Variants in EDEM3 observed in about 807,000 individuals in gnomAD.
EDEM3 encodes the protein ER degradation-enhancing alpha-mannosidase-like protein 3.
In EDEM3, 60 loss-of-function variants were observed where a neutral mutation model predicts 110.2. That is an observed-to-expected ratio of 0.54 (90% CI 0.44 to 0.67). The LOEUF is 0.67. Ranked by LOEUF, EDEM3 falls within the 30% of genes least tolerant of loss-of-function variation. The pLI, the probability that EDEM3 is intolerant of heterozygous loss-of-function variation, is 0.00. For missense variants in EDEM3, 996 were observed against 1,121.0 expected (o/e 0.89, Z 1.59); for synonymous variants, 352 against 382.9 (o/e 0.92, Z 0.94).
At chr1:184,716,127 GT>G (rs1322409488) in intron 13 of EDEM3, among the ~76,000 whole-genome samples, 1 of 152,100 alleles carries the variant, frequency 6.6e-6, no homozygotes, top group African/African-American at 2.4e-5. Context: ...CATATACAAT[GT>G]TTTAAAAGTC....
chr1:184,691,654 T>C lies in EDEM3; in HGVS notation c.*2409A>G, dbSNP rs1412987597. On this transcript the variant is annotated 3_prime_UTR_variant, in exon 20 of 20. Coordinates refer to ENST00000318130, the MANE Select transcript of EDEM3 (RefSeq NM_025191.4). ...AAAAAAACAACTAATGCCTTTGGAA[T>C]TTTTAATGAACTCAAAAACTACTTT... The C allele has an allele frequency of 2.0e-5, 3 of 152,200 alleles. No homozygotes were observed. The highest frequency in any genetic ancestry group is 4.4e-5 in the Non-Finnish European group (3 of 67,932). The allele number at this position is 152,200 out of a possible 1,614,324, so 9.4% of individuals were successfully genotyped here.
intron 7 of EDEM3, 52 bp downstream of exon 7, chr1:184,726,203 T>C: frequency 3.2e-6 from 5 of 1,582,154 alleles, no homozygotes; most frequent in African/African-American, 1.4e-5. Context: ...GAAGAAGATA[T>C]AAAGGTAGTT....
intron 6 of EDEM3, among the ~76,000 whole-genome samples, chr1:184,731,306 A>G (rs1651503759): frequency 6.6e-6 from 1 of 152,220 alleles, no homozygotes; most frequent in African/African-American, 2.4e-5. Flanking sequence ...GGGGAAAACC[A>G]ATAAAACTCC....
intron 17 of EDEM3, 112 bp from the exon 18 acceptor site, chr1:184,706,920 G>A: frequency 1.8e-6 from 2 of 1,103,656 alleles, no homozygotes; most frequent in Non-Finnish European, 2.5e-6. Context: ...CTTTTCTAAT[G>A]ATAACGTATC....
chr1:184,711,695 T>C (rs766943183), intron 15 of EDEM3, 28 bp downstream of exon 15: 31 of 1,542,110 alleles, frequency 2.0e-5, no homozygotes, highest in Non-Finnish European at 2.6e-5. Context: ...AACTTTGATA[T>C]TAGAAAATAT....
chr1:184,699,945 A>G (rs997788208), intron 19 of EDEM3, among the ~76,000 whole-genome samples: 2 of 151,960 alleles, frequency 1.3e-5, no homozygotes, highest in Non-Finnish European at 2.9e-5. Flanking sequence ...AAAGGTAACA[A>G]AACATTGCCT....
intron 18 of EDEM3, among the ~76,000 whole-genome samples, chr1:184,704,964 G>T: frequency 6.6e-6 from 1 of 151,898 alleles, no homozygotes; most frequent in East Asian, 1.9e-4. Context: ...CAGCTACTCG[G>T]GAGACTGAGG....
At position 184,746,323 on chromosome 1, in the gene EDEM3, C is replaced by A. The variant is rs561747372; in HGVS notation, c.204+3224G>T. Among the ~76,000 whole-genome samples the A allele has an allele frequency of 1.1e-4, 16 of 152,330 alleles. No homozygotes were observed. The East Asian group carries it at 2.7e-3, about 26-fold the overall frequency. Reference sequence around the variant, plus strand: ...AAGTTCAAAGGGCACATGCCAAGAACAGGAAAGAATGTATGCGCTTTAAGC... The same window carrying A: ...AAGTTCAAAGGGCACATGCCAAGAAAAGGAAAGAATGTATGCGCTTTAAGC... On this transcript the variant is annotated intron_variant, in intron 2 of 19. Coordinates refer to ENST00000318130, the MANE Select transcript of EDEM3 (RefSeq NM_025191.4).
intron 2 of EDEM3, among the ~76,000 whole-genome samples, chr1:184,740,980 A>C (rs1652104584): frequency 6.6e-6 from 1 of 152,250 alleles, no homozygotes; most frequent in African/African-American, 2.4e-5. Context: ...CCAAATTTAG[A>C]AAGGAGTATG....
Position 184,732,941 on chromosome 1 carries a change from C to T in EDEM3, c.508G>A (p.Glu170Lys). Residue 170 changes from glutamate to lysine, a missense_variant, in exon 6 of 20, where the codon GAA becomes AAA. Around this residue, in one of 5 missense-constraint regions of EDEM3, gnomAD observed 310 missense variants for 394.6 expected, o/e 0.79. Transcript: ENST00000318130. ...SLAIMLKEKG[E>K]YMQWYNDELL... ...TCATCATTGTACCACTGCATATATT[C>T]ACCTTTTTCTTTCAGCATGATTGCC... The T allele has an allele frequency of 6.2e-7, 1 of 1,614,006 alleles. No individual in the cohort carries two copies.
At chr1:184,716,782 C>A (rs1341566569) in intron 13 of EDEM3, 106 bp downstream of exon 13, 1 of 1,438,160 alleles carries the variant, frequency 7.0e-7, no homozygotes, top group African/African-American at 1.4e-5. Flanking sequence ...ACAAAGGTTT[C>A]TATCCTTTGT....
At position 184,694,065 on chromosome 1, in the gene EDEM3, A is replaced by T. The variant is rs753752111; in HGVS notation, c.2797T>A (p.Ter933ArgextTer30). 4.3e-6 allele frequency: 7 copies of T among 1,611,022 alleles called. No homozygotes were observed. In the Admixed American group the frequency reaches 1.2e-4, roughly 27 times the overall value. Residue 933 changes from the stop codon to arginine (R), a stop_lost, in exon 20 of 20, where the codon TGA becomes AGA. Coordinates refer to ENST00000318130, the MANE Select transcript of EDEM3 (RefSeq NM_025191.4). Reference sequence around the variant, plus strand: ...CTACCAACAGATTGTTTAGCAAGTCATAGCTCATCCTTCTCCATCATTTCA... The same window carrying T: ...CTACCAACAGATTGTTTAGCAAGTCTTAGCTCATCCTTCTCCATCATTTCA... The part of the protein sequence containing the change: ...AFEMMEKDEL[*>R]
At chr1:184,719,716 T>A in intron 9 of EDEM3, 148 bp from the exon 10 acceptor site, 1 of 810,130 alleles carries the variant, frequency 1.2e-6, no homozygotes, top group Non-Finnish European at 1.8e-6. Flanking sequence ...ATTTAAGTTA[T>A]TTTAGATGGA....
chr1:184,704,649 C>CAA (rs58913815), intron 18 of EDEM3, among the ~76,000 whole-genome samples: 7,794 of 29,870 alleles, frequency 0.26, 1,917 homozygotes, highest in East Asian at 0.51. Flanking sequence ...GACTCTGTCT[C>CAA]AAAAAAAAAA....
intron 1 of EDEM3, among the ~76,000 whole-genome samples, chr1:184,751,086 T>C (rs1652735827): frequency 7.2e-6 from 1 of 138,796 alleles, no homozygotes; most frequent in Admixed American, 7.2e-5. Context: ...AATAACCACT[T>C]AAAAACATTT....
intron 6 of EDEM3, among the ~76,000 whole-genome samples, chr1:184,727,947 C>A (rs947707624): frequency 3.9e-5 from 6 of 152,214 alleles, no homozygotes; most frequent in African/African-American, 9.6e-5. Context: ...TAAAATGAAG[C>A]AATCCTTAAT....
chr1:184,747,454 G>A (rs1346088479), intron 2 of EDEM3, among the ~76,000 whole-genome samples: 1 of 152,202 alleles, frequency 6.6e-6, no homozygotes, highest in Non-Finnish European at 1.5e-5. Flanking sequence ...TGTCATGTTA[G>A]TTGAGAACTT....
At chr1:184,724,043 C>A (rs61823885) in intron 7 of EDEM3, among the ~76,000 whole-genome samples, 187 bp from the exon 8 acceptor site, 10,868 of 151,812 alleles carry the variant, frequency 0.072, 452 homozygotes, top group African/African-American at 0.12. Flanking sequence ...CTTTTTCAAC[C>A]AATCAGTGTA....
chr1:184,716,631 G>A (rs913548791), intron 13 of EDEM3, among the ~76,000 whole-genome samples: 9 of 152,120 alleles, frequency 5.9e-5, no homozygotes, highest in Non-Finnish European at 4.4e-5. Context: ...CCAAGGTTCT[G>A]ATATTTAACA....
Sources: gnomAD v4.1 joint callset for allele counts (sites outside exome capture counted in the v4.1 genomes callset) on GRCh38, gnomAD v4.1.1 for gene constraint, gnomAD v4.1.1 regional missense constraint, MANE v1.5 for transcripts, NCBI Gene and HGNC (gene_info 2026-07-23, HGNC 2026-07-21) for gene names.